Variants in ATP13A1 observed in about 807,000 individuals in gnomAD.
ATP13A1 encodes the protein endoplasmic reticulum transmembrane helix translocase.
In ATP13A1, 55 loss-of-function variants were observed where a neutral mutation model predicts 134.8. That is an observed-to-expected ratio of 0.41 (90% CI 0.33 to 0.51). ATP13A1 has a LOEUF of 0.51. Ranked by LOEUF, ATP13A1 falls within the 20% of genes least tolerant of loss-of-function variation. The pLI is 0.29. For synonymous variants in ATP13A1, 775 were observed against 725.1 expected (o/e 1.07, Z -1.10); for missense variants, 1,389 against 1,652.8 (o/e 0.84, Z 2.77).
chr19:19,656,707 TGCAGCGGCCTC>T lies in ATP13A1; in HGVS notation c.1025_1035del (p.Arg342HisfsTer33). 1 of 1,613,826 alleles carries T rather than the reference TGCAGCGGCCTC, an allele frequency of 6.2e-7. No individual in the cohort carries two copies. On this transcript the variant is annotated frameshift_variant, in exon 7 of 26. Coordinates refer to ENST00000357324, the MANE Select transcript of ATP13A1 (RefSeq NM_020410.3). LOFTEE classifies it high-confidence loss of function. This position sits in a 1 kb window ranked among gnomAD's most constrained non-coding sequence, Gnocchi z 4.6. ...CCCGTGAGCATGGCCTCGTCTACGA[TGCAGCGGCCTC>T]GCAGCAGAAGCACGTCACATGGCAC...
intron 3 of ATP13A1, among the ~76,000 whole-genome samples, chr19:19,658,821 G>C (rs941439686): frequency 1.3e-5 from 2 of 152,218 alleles, no homozygotes; most frequent in Non-Finnish European, 2.9e-5. Context: ...GAAATGTTTA[G>C]GTTGGGTGCA....
chr19:19,661,912 C>A (rs548336198), intron 1 of ATP13A1, among the ~76,000 whole-genome samples: 1 of 152,224 alleles, frequency 6.6e-6, no homozygotes, highest in African/African-American at 2.4e-5. Flanking sequence ...AGAGGCTATA[C>A]GCTGTGATGG....
In ATP13A1 at chr19:19,655,503, G is replaced by T; in HGVS notation, c.1396+25C>A. ...TGGAGCCTCGGAGGGTGGGCGCAGG[G>T]GACCACAGAGGCCGTGGCGCTTACC... On this transcript the variant is annotated intron_variant, in intron 10 of 25. Transcript: ENST00000357324. This position sits in a 1 kb window ranked among gnomAD's most constrained non-coding sequence, Gnocchi z 5.7. The T allele has an allele frequency of 6.2e-7, 1 of 1,613,962 alleles. No individual in the cohort carries two copies. The highest frequency in any genetic ancestry group is 8.5e-7 in the Non-Finnish European group (1 of 1,179,880).
rs2061978926 is a variant in ATP13A1, at chr19:19,645,520, T to C, written c.3517A>G (p.Ile1173Val). 1.9e-6 allele frequency: 3 copies of C among 1,601,964 alleles called. No individual in the cohort carries two copies. Among genetic ancestry groups the C allele is most frequent in the South Asian group, 1.1e-5 (1 of 89,072 alleles). ...VDIPVEFKLV[I>V]AQVLLLDFCL... ...AAGTCCAGGAGCAGGACCTGGGCAATGACCAGCTTGAACTGTCGGGGCAGG... is the reference window on the plus strand; with the variant it reads ...AAGTCCAGGAGCAGGACCTGGGCAACGACCAGCTTGAACTGTCGGGGCAGG... Residue 1173 changes from isoleucine (I) to valine (V), a missense_variant, in exon 26 of 26, where the codon ATT becomes GTT. Around this residue, in one of 4 missense-constraint regions of ATP13A1, gnomAD observed 228 missense variants for 321.0 expected, o/e 0.71. Transcript: ENST00000357324. This position sits in a 1 kb window ranked among gnomAD's most constrained non-coding sequence, Gnocchi z 4.1.
Position 19,653,767 on chromosome 19 carries a change from G to C in ATP13A1, c.2100+17C>G, listed in dbSNP as rs376157836. The C allele has an allele frequency of 6.5e-7, 1 of 1,538,386 alleles. No individual in the cohort carries two copies. The highest frequency in any genetic ancestry group is 1.2e-5 in the South Asian group (1 of 83,718). On this transcript the variant is annotated intron_variant, in intron 15 of 25. Coordinates refer to ENST00000357324, the MANE Select transcript of ATP13A1 (RefSeq NM_020410.3). This position sits in a 1 kb window ranked among gnomAD's most constrained non-coding sequence, Gnocchi z 4.2. ...GGCCAGGCACATGGTGAAGGCAGGG[G>C]GAGCCTGGGCCCGTACCTGCTGGTG...
At position 19,656,317 on chromosome 19, in the gene ATP13A1, C is replaced by T. The variant is rs2062057750; in HGVS notation, c.1084-134G>A. The stretch of plus-strand genomic sequence containing the variant: ...CACCCGACCAATACATCCCACCCAG[C>T]TCCCAGATCCTCACCCTCACCCCGT... On this transcript the variant is annotated intron_variant, in intron 7 of 25. Coordinates refer to ENST00000357324, the MANE Select transcript of ATP13A1 (RefSeq NM_020410.3). The surrounding 1 kb of genome is among the most constrained non-coding windows in gnomAD (Gnocchi z 4.6). 7.3e-6 allele frequency: 9 copies of T among 1,233,152 alleles called. No homozygotes were observed. In the East Asian group the frequency reaches 1.9e-4, roughly 26 times the overall value. The allele number at this position is 1,233,152 out of a possible 1,614,324, so 76.4% of individuals were successfully genotyped here.
chr19:19,655,174 T>G lies in ATP13A1; in HGVS notation c.1600A>C (p.Lys534Gln). The change falls in exon 12 of 26, where the codon AAG (lysine) becomes CAG (glutamine). Residue 534 changes from lysine to glutamine, a missense_variant. This residue lies in a region of ATP13A1 where 747 missense variants were observed against 956.1 expected (regional missense o/e 0.78). Coordinates refer to ENST00000357324, the MANE Select transcript of ATP13A1 (RefSeq NM_020410.3). The surrounding 1 kb of genome is among the most constrained non-coding windows in gnomAD (Gnocchi z 5.7). ...CTGTCACTGGTCAACGTCCCCGTCT[T>G]GTCAAAGCAGCACACCTCGACCTTG... ...AGKVEVCCFD[K>Q]TGTLTSDSLV... 6.2e-7 allele frequency: 1 copy of G among 1,613,964 alleles called. No individual in the cohort carries two copies. Among genetic ancestry groups the G allele is most frequent in the Non-Finnish European group, 8.5e-7 (1 of 1,179,884 alleles).
intron 3 of ATP13A1, among the ~76,000 whole-genome samples, chr19:19,658,921 G>C (rs1039524303): frequency 6.6e-6 from 1 of 151,962 alleles, no homozygotes; most frequent in Non-Finnish European, 1.5e-5. Flanking sequence ...TGGGCAACAC[G>C]GCGAGACCCC....
chr19:19,647,165 C>G lies in ATP13A1; in HGVS notation c.3069G>C (p.Leu1023=). ...SDFQATLQGL[L]LAGCFLFISR... Reference sequence around the variant, plus strand: ...AGATGAAGAGGAAGCAGCCGGCCAGCAGCAGCCCCTGTAGGGTGGCCTGGA... The same window carrying G: ...AGATGAAGAGGAAGCAGCCGGCCAGGAGCAGCCCCTGTAGGGTGGCCTGGA... The change falls in exon 22 of 26, where the codon CTG becomes CTC. Residue 1023 remains leucine, a synonymous_variant. Coordinates refer to ENST00000357324, the MANE Select transcript of ATP13A1 (RefSeq NM_020410.3). This position sits in a 1 kb window ranked among gnomAD's most constrained non-coding sequence, Gnocchi z 4.8. 6.2e-7 allele frequency: 1 copy of G among 1,613,510 alleles called. No homozygotes were observed. The highest frequency in any genetic ancestry group is 8.5e-7 in the Non-Finnish European group (1 of 1,179,662).
intron 17 of ATP13A1, chr19:19,651,350 C>T (rs978985330): frequency 1.1e-5 from 2 of 189,960 alleles, no homozygotes; most frequent in Non-Finnish European, 2.2e-5. Context: ...GCTTGCCGGG[C>T]CAAAGAGGGT....
At chr19:19,648,361 T>C (rs894836203) in intron 19 of ATP13A1, among the ~76,000 whole-genome samples, 1 of 151,606 alleles carries the variant, frequency 6.6e-6, no homozygotes, top group African/African-American at 2.4e-5. Context: ...TCAAAAGAAA[T>C]AGCCAAGGAG....
intron 2 of ATP13A1, 49 bp downstream of exon 2, chr19:19,659,849 G>A (rs1476778900): frequency 2.5e-6 from 4 of 1,595,534 alleles, no homozygotes; most frequent in Non-Finnish European, 3.4e-6. Context: ...TCAGCGCCTG[G>A]GAATCCTACT....
Position 19,656,830 on chromosome 19 carries a change from G to C in ATP13A1, c.976+17C>G. The C allele has an allele frequency of 6.2e-7, 1 of 1,612,242 alleles. No individual in the cohort carries two copies. The highest frequency in any genetic ancestry group is 8.5e-7 in the Non-Finnish European group (1 of 1,179,296). ...AGGCTGGGGCTCCCACTGGGACTGA[G>C]CGGAACCCGGCCTCACCGATGGAGA... is the stretch of plus-strand genomic sequence containing the variant. On this transcript the variant is annotated intron_variant, in intron 6 of 25. Transcript: ENST00000357324. The surrounding 1 kb of genome is among the most constrained non-coding windows in gnomAD (Gnocchi z 4.6).
intron 1 of ATP13A1, chr19:19,660,401 G>C: frequency 5.4e-6 from 1 of 186,240 alleles, no homozygotes; most frequent in Non-Finnish European, 1.1e-5. Context: ...AGAATCCCTT[G>C]AACTGGGAGG....
At chr19:19,660,051 C>T (rs974302822) in intron 1 of ATP13A1, 64 bp from the exon 2 acceptor site, 20 of 1,466,252 alleles carry the variant, frequency 1.4e-5, no homozygotes, top group East Asian at 9.9e-5. Flanking sequence ...AAGACCCCCC[C>T]GGGAGGTTTT....
chr19:19,650,891 G>A lies in ATP13A1; in HGVS notation c.2335+798C>T, dbSNP rs528794296. 2.6e-5 allele frequency: 4 copies of A among 152,404 alleles called. No individual in the cohort carries two copies. In the South Asian group the frequency reaches 8.3e-4, roughly 32 times the overall value. The allele number at this position is 152,404 out of a possible 1,614,324, so 9.4% of individuals were successfully genotyped here. A position where few individuals can be genotyped will look rare whatever the true frequency, so the allele number is the denominator to read the frequency against. Reference sequence around the variant, plus strand: ...CACAGGGGCTTCACCTCTAGCTCTGGGGCAGGTATCTGGTAAGCCCCACAC... The same window carrying A: ...CACAGGGGCTTCACCTCTAGCTCTGAGGCAGGTATCTGGTAAGCCCCACAC... On this transcript the variant is annotated intron_variant, in intron 17 of 25. Coordinates refer to ENST00000357324, the MANE Select transcript of ATP13A1 (RefSeq NM_020410.3).
chr19:19,651,877 T>C, intron 16 of ATP13A1, 80 bp from the exon 17 acceptor site: 1 of 1,166,416 alleles, frequency 8.6e-7, no homozygotes, highest in South Asian at 1.4e-5. Context: ...CCAAGTCTCC[T>C]TCTAAGGTAG....
chr19:19,657,135 C>G lies in ATP13A1; in HGVS notation c.765G>C (p.Gly255=). ...ACCAGTACTCATCCAGGCACCAGAG[C>G]CCCACACAGAACACCTGTGGGATAC... is the stretch of plus-strand genomic sequence containing the variant. ...PFFVFQVFCV[G]LWCLDEYWYY... Residue 255 remains glycine (G), a synonymous_variant, in exon 5 of 26, where the codon GGG becomes GGC. Coordinates refer to ENST00000357324, the MANE Select transcript of ATP13A1 (RefSeq NM_020410.3). The G allele has an allele frequency of 6.6e-7, 1 of 1,510,048 alleles. No homozygotes were observed. Among genetic ancestry groups the G allele is most frequent in the Non-Finnish European group, 8.9e-7 (1 of 1,129,844 alleles). The allele number at this position is 1,510,048 out of a possible 1,614,324, so 93.5% of individuals were successfully genotyped here. A position where few individuals can be genotyped will look rare whatever the true frequency, so the allele number is the denominator to read the frequency against.
chr19:19,659,502 TA>T, intron 3 of ATP13A1, 98 bp downstream of exon 3: 1 of 661,462 alleles, frequency 1.5e-6, no homozygotes, highest in Non-Finnish European at 2.3e-6. Flanking sequence ...AATAAATAAA[TA>T]AAAGGGCAGA....
Sources: gnomAD v4.1 joint callset for allele counts (sites outside exome capture counted in the v4.1 genomes callset) on GRCh38, gnomAD v4.1.1 for gene constraint, gnomAD v4.1.1 regional missense constraint, Gnocchi (gnomAD v3.1) non-coding constraint, MANE v1.5 for transcripts, NCBI Gene and HGNC (gene_info 2026-07-23, HGNC 2026-07-21) for gene names.